Variants in PARN observed in about 807,000 individuals in gnomAD.
The protein encoded by PARN is poly(A)-specific ribonuclease.
In PARN, 71 loss-of-function variants were observed where a neutral mutation model predicts 102.8. The observed-to-expected ratio is 0.69, with a 90% confidence interval of 0.57 to 0.84. The LOEUF is 0.84. Ranked by LOEUF, PARN falls within the 40% of genes least tolerant of loss-of-function variation. PARN has a pLI of 0.00. For missense variants in PARN, 782 were observed against 760.9 expected, an observed-to-expected ratio of 1.03 and a Z score of -0.33; for synonymous variants, 261 against 252.9, an observed-to-expected ratio of 1.03 and a Z score of -0.30.
chr16:14,497,013 T>C (rs1015160212), intron 21 of PARN, among the ~76,000 whole-genome samples: 3 of 152,212 alleles, frequency 2.0e-5, no homozygotes, highest in African/African-American at 7.2e-5. Flanking sequence ...TAACCCGTTG[T>C]TGACGCCCCT....
rs192991858 is a variant in PARN at position 14,452,563 on chromosome 16, C to T, written c.1671-5482G>A. ...TGTTGGCCAGGCTGGTCTTGAAATC[C>T]TGACCTCAGGAGATCTGCCTGCCTC... On this transcript the variant is annotated intron_variant, in intron 22 of 23. Transcript: ENST00000437198. Among the ~76,000 whole-genome samples, 31 of 152,302 alleles carry T rather than the reference C, an allele frequency of 2.0e-4. No homozygotes were observed. In the East Asian group the frequency reaches 4.2e-3, roughly 21 times the overall value.
intron 13 of PARN, among the ~76,000 whole-genome samples, chr16:14,587,353 A>G (rs1969922117): frequency 6.6e-6 from 1 of 152,258 alleles, no homozygotes; most frequent in Non-Finnish European, 1.5e-5. Flanking sequence ...GCCAACATAT[A>G]GCACAGTTCT....
intron 22 of PARN, among the ~76,000 whole-genome samples, chr16:14,466,179 G>A (rs1962337188): frequency 6.6e-6 from 1 of 152,132 alleles, no homozygotes; most frequent in Non-Finnish European, 1.5e-5. Flanking sequence ...GTAGCAGTAA[G>A]TACATTATTT....
At chr16:14,468,908 T>TAGAC (rs1962539344) in intron 22 of PARN, among the ~76,000 whole-genome samples, 1 of 150,546 alleles carries the variant, frequency 6.6e-6, no homozygotes, top group African/African-American at 2.4e-5. Context: ...GATAGATAGA[T>TAGAC]AGATAGATAG....
At chr16:14,628,036 C>A in intron 3 of PARN, 136 bp downstream of exon 3, 1 of 647,026 alleles carries the variant, frequency 1.5e-6, no homozygotes, top group Non-Finnish European at 2.7e-6. Context: ...AAAAAAAAAT[C>A]ACTTCATGGC....
chr16:14,583,318 C>A (rs1969643106), intron 16 of PARN, among the ~76,000 whole-genome samples: 1 of 152,132 alleles, frequency 6.6e-6, no homozygotes, highest in Non-Finnish European at 1.5e-5. Flanking sequence ...TACTATAACA[C>A]AGAATCAAAA....
At chr16:14,485,992 TA>T (rs1325565429) in intron 21 of PARN, among the ~76,000 whole-genome samples, 1 of 152,224 alleles carries the variant, frequency 6.6e-6, no homozygotes, top group African/African-American at 2.4e-5. Context: ...CTGGCCTGGC[TA>T]TTGCGTTCTT....
At chr16:14,476,203 A>C (rs1032238813) in intron 22 of PARN, among the ~76,000 whole-genome samples, 2 of 152,184 alleles carry the variant, frequency 1.3e-5, no homozygotes, top group Admixed American at 1.3e-4. Context: ...AGGAAAAAGA[A>C]GTCAAATTAA....
chr16:14,532,318 C>A (rs1966386723), intron 21 of PARN, among the ~76,000 whole-genome samples: 1 of 151,518 alleles, frequency 6.6e-6, no homozygotes, highest in Non-Finnish European at 1.5e-5. Context: ...GCAGAGGACC[C>A]TGCGGCCTTC....
chr16:14,462,265 G>GA (rs965985672), intron 22 of PARN, among the ~76,000 whole-genome samples: 18 of 150,410 alleles, frequency 1.2e-4, no homozygotes, highest in Admixed American at 2.6e-4. Flanking sequence ...GGAGTTGAAA[G>GA]AAAAAAAAAT....
At chr16:14,625,641 C>G (rs1039555957) in intron 5 of PARN, among the ~76,000 whole-genome samples, 21 of 152,098 alleles carry the variant, frequency 1.4e-4, no homozygotes, top group Non-Finnish European at 8.8e-5. Context: ...TCTATAAGAC[C>G]AGAATTTAAC....
Position 14,584,792 on chromosome 16 carries a change from C to T in PARN, c.963-1G>A, listed in dbSNP as rs1186351487. The T allele has an allele frequency of 6.5e-7, 1 of 1,537,292 alleles. No homozygotes were observed. Among genetic ancestry groups the T allele is most frequent in the African/African-American group, 1.4e-5 (1 of 70,950 alleles). ...GGCCATCAATTTAGTATCCAAGAGT[C>T]TAAAAAGAATTTTTAACAAGGTAAA... On this transcript the variant is annotated splice_acceptor_variant, in intron 14 of 23. Coordinates refer to ENST00000437198, the MANE Select transcript of PARN (RefSeq NM_002582.4). LOFTEE classifies it high-confidence loss of function.
chr16:14,625,611 C>G (rs1972598367), intron 5 of PARN, among the ~76,000 whole-genome samples: 1 of 152,216 alleles, frequency 6.6e-6, no homozygotes, highest in Non-Finnish European at 1.5e-5. Flanking sequence ...AACTGGTTTA[C>G]TTGCTAATTT....
chr16:14,465,880 C>G (rs1327237105), intron 22 of PARN, among the ~76,000 whole-genome samples: 1 of 152,112 alleles, frequency 6.6e-6, no homozygotes, highest in Non-Finnish European at 1.5e-5. Flanking sequence ...GGCCATTATC[C>G]TTAGCAAACT....
chr16:14,544,780 A>G (rs535442684), intron 21 of PARN, among the ~76,000 whole-genome samples: 11 of 152,212 alleles, frequency 7.2e-5, no homozygotes, highest in African/African-American at 1.2e-4. Context: ...CACAAAATAC[A>G]TGACATGAAA....
intron 22 of PARN, among the ~76,000 whole-genome samples, chr16:14,472,041 A>G (rs974215972): frequency 6.6e-6 from 1 of 152,188 alleles, no homozygotes; most frequent in African/African-American, 2.4e-5. Context: ...AAAGAAAGCA[A>G]CCGTGTCCTG....
At chr16:14,513,156 C>A (rs974422373) in intron 21 of PARN, among the ~76,000 whole-genome samples, 7 of 152,118 alleles carry the variant, frequency 4.6e-5, no homozygotes, top group Non-Finnish European at 7.4e-5. Flanking sequence ...AACTCCTGAC[C>A]TCAAGTGATC....
Position 14,457,454 on chromosome 16 carries a change from C to T in PARN, c.1671-10373G>A, listed in dbSNP as rs571831296. ...GGACAACCTATGCTCAGTTCAGAAG[C>T]CAAACCCTCGGAGATCACTGATAAA... On this transcript the variant is annotated intron_variant, in intron 22 of 23. Coordinates refer to ENST00000437198, the MANE Select transcript of PARN (RefSeq NM_002582.4). Among the ~76,000 whole-genome samples the T allele has an allele frequency of 6.6e-5, 10 of 152,206 alleles. No individual in the cohort carries two copies. In the South Asian group the frequency reaches 2.1e-3, roughly 32 times the overall value.
intron 14 of PARN, among the ~76,000 whole-genome samples, chr16:14,585,240 AG>A (rs1227172243): frequency 6.6e-6 from 1 of 152,218 alleles, no homozygotes; most frequent in African/African-American, 2.4e-5. Flanking sequence ...ATTCTTCTGC[AG>A]GGCCAAAATC....
Sources: allele counts gnomAD v4.1 joint callset (sites outside exome capture counted in the v4.1 genomes callset), GRCh38; gene constraint gnomAD v4.1.1; transcripts MANE v1.5; gene names NCBI Gene and HGNC (gene_info 2026-07-23, HGNC 2026-07-21).